SPOCK1: variants seen among roughly 807,000 people sequenced by gnomAD.
The protein encoded by SPOCK1 is testican-1.
A neutral mutation model predicts 55.3 loss-of-function variants in SPOCK1; 23 were observed. The observed-to-expected ratio is 0.42, with a 90% CI of 0.30 to 0.59. The LOEUF (loss-of-function observed/expected upper bound fraction) is 0.59. Ranked by LOEUF, SPOCK1 falls within the 20% of genes least tolerant of loss-of-function variation. The pLI, the probability that SPOCK1 is intolerant of heterozygous loss-of-function variation, is 0.22. For synonymous variants in SPOCK1, 226 were observed against 221.0 expected (o/e 1.02, Z -0.20); for missense variants, 499 against 552.5 (o/e 0.90, Z 0.97).
intron 3 of SPOCK1, among the ~76,000 whole-genome samples, chr5:137,160,566 ATATAT>A (rs1216925624): frequency 2.9e-5 from 2 of 69,678 alleles, no homozygotes; most frequent in East Asian, 7.3e-4. Context: ...ATTATATATT[ATATAT>A]TATATAATAT....
intron 2 of SPOCK1, among the ~76,000 whole-genome samples, chr5:137,406,729 T>C (rs893812777): frequency 2.0e-5 from 3 of 152,244 alleles, no homozygotes; most frequent in Admixed American, 1.3e-4. Flanking sequence ...ACACACACTC[T>C]GGCTTTAAAT....
At chr5:137,107,423 T>C (rs994002444) in intron 5 of SPOCK1, among the ~76,000 whole-genome samples, 1 of 152,214 alleles carries the variant, frequency 6.6e-6, no homozygotes, top group African/African-American at 2.4e-5. Context: ...AGAGTCTATA[T>C]CACACTCTCA....
chr5:137,419,940 G>A (rs548079747), intron 2 of SPOCK1, among the ~76,000 whole-genome samples: 2 of 152,288 alleles, frequency 1.3e-5, no homozygotes, highest in East Asian at 3.9e-4. Flanking sequence ...CTGTGGGTTT[G>A]TCATAGATAG....
chr5:137,113,810 A>G (rs567375105), intron 4 of SPOCK1, among the ~76,000 whole-genome samples: 11 of 152,166 alleles, frequency 7.2e-5, no homozygotes, highest in Non-Finnish European at 1.5e-4. Context: ...CAGGCTTGGA[A>G]TGGCATTTAA....
chr5:137,175,189 T>C (rs73299823), intron 3 of SPOCK1, among the ~76,000 whole-genome samples: 6,309 of 152,142 alleles, frequency 0.041, 223 homozygotes, highest in East Asian at 0.14. Flanking sequence ...TGAAGCCTTG[T>C]GGAAAAGAGG....
In SPOCK1 at chr5:137,238,155, T is replaced by C. The variant is rs117560077; in HGVS notation, c.232+28855A>G. On this transcript the variant is annotated intron_variant, in intron 3 of 10. Transcript: ENST00000394945. ...GAGAGAATTAAAATGAACTAATATA[T>C]GTAAACCCAAGCTACTTATATTACA... Among the ~76,000 whole-genome samples, 23 of 152,356 alleles carry C rather than the reference T, an allele frequency of 1.5e-4. No individual in the cohort carries two copies. In the East Asian group the frequency reaches 3.7e-3, roughly 24 times the overall value.
intron 5 of SPOCK1, among the ~76,000 whole-genome samples, chr5:137,079,865 C>T (rs1437316003): frequency 1.3e-5 from 2 of 152,118 alleles, no homozygotes; most frequent in Non-Finnish European, 2.9e-5. Context: ...CCCTTAGCTC[C>T]AGTGACATTT....
intron 2 of SPOCK1, among the ~76,000 whole-genome samples, chr5:137,352,456 G>A (rs1490178954): frequency 2.0e-5 from 3 of 152,192 alleles, no homozygotes. Flanking sequence ...TTGGACATAT[G>A]ATTGCTAAAG....
intron 3 of SPOCK1, among the ~76,000 whole-genome samples, chr5:137,143,408 A>T (rs1754136243): frequency 6.6e-6 from 1 of 152,182 alleles, no homozygotes; most frequent in African/African-American, 2.4e-5. Flanking sequence ...AGCTGAGCAG[A>T]TCCGGGAACA....
At chr5:137,190,413 CAAT>C (rs913585202) in intron 3 of SPOCK1, among the ~76,000 whole-genome samples, 12 of 152,168 alleles carry the variant, frequency 7.9e-5, no homozygotes, top group Non-Finnish European at 1.6e-4. Context: ...AGCAAAAAGA[CAAT>C]GACTCTCTGA....
chr5:137,043,723 GA>G (rs1433917721), intron 6 of SPOCK1, among the ~76,000 whole-genome samples: 1 of 152,116 alleles, frequency 6.6e-6, no homozygotes, highest in Non-Finnish European at 1.5e-5. Flanking sequence ...GGACATTTTA[GA>G]AAATACCTGA....
chr5:137,493,242 A>G (rs990740235), intron 2 of SPOCK1, among the ~76,000 whole-genome samples: 1 of 152,216 alleles, frequency 6.6e-6, no homozygotes, highest in African/African-American at 2.4e-5. Flanking sequence ...GAGTAAATCA[A>G]TAAGAAATGA....
chr5:137,115,615 G>A (rs1196043241), intron 4 of SPOCK1, among the ~76,000 whole-genome samples: 1 of 152,070 alleles, frequency 6.6e-6, no homozygotes, highest in Non-Finnish European at 1.5e-5. Context: ...GGACACGTTG[G>A]GGGCTCTGGG....
At chr5:137,272,671 T>C (rs1203540107) in intron 2 of SPOCK1, among the ~76,000 whole-genome samples, 1 of 151,892 alleles carries the variant, frequency 6.6e-6, no homozygotes, top group Admixed American at 6.6e-5. Context: ...GAGAACCCTG[T>C]ACAACAGAGC....
chr5:136,999,419 G>T (rs985853852), intron 6 of SPOCK1, among the ~76,000 whole-genome samples: 9 of 152,158 alleles, frequency 5.9e-5, no homozygotes, highest in African/African-American at 1.9e-4. Context: ...TCCTCCCTCA[G>T]ACAAAACCAG....
At chr5:137,098,692 G>A (rs1184274600) in intron 5 of SPOCK1, among the ~76,000 whole-genome samples, 1 of 152,136 alleles carries the variant, frequency 6.6e-6, no homozygotes, top group Non-Finnish European at 1.5e-5. Context: ...CAGTCTCAGA[G>A]GCCATGTCAA....
intron 2 of SPOCK1, among the ~76,000 whole-genome samples, chr5:137,332,777 T>C (rs1488959951): frequency 6.6e-6 from 1 of 152,136 alleles, no homozygotes; most frequent in Non-Finnish European, 1.5e-5. Flanking sequence ...TGTGTGTGTG[T>C]AGAGAGGCAG....
chr5:137,290,383 C>A (rs916955383), intron 2 of SPOCK1, among the ~76,000 whole-genome samples: 5 of 151,964 alleles, frequency 3.3e-5, no homozygotes, highest in Admixed American at 1.3e-4. Context: ...ATATAAAGTT[C>A]AAAAAAGGGC....
intron 3 of SPOCK1, among the ~76,000 whole-genome samples, chr5:137,176,160 A>G (rs1240875047): frequency 6.6e-6 from 1 of 152,184 alleles, no homozygotes; most frequent in Non-Finnish European, 1.5e-5. Flanking sequence ...AAAAGCTCCT[A>G]AGATGAAAAG....
Sources: gnomAD v4.1 joint callset for allele counts (sites outside exome capture counted in the v4.1 genomes callset) on GRCh38, gnomAD v4.1.1 for gene constraint, MANE v1.5 for transcripts, NCBI Gene and HGNC (gene_info 2026-07-23, HGNC 2026-07-21) for gene names.